RTL9: variants seen among roughly 807,000 people sequenced by gnomAD.
The protein encoded by RTL9 is retrotransposon Gag like 9, also known as retrotransposon Gag-like protein 9.
A neutral mutation model predicts 44.7 loss-of-function variants in RTL9; 19 were observed. The observed-to-expected ratio is 0.42, with a 90% CI of 0.30 to 0.62. The LOEUF (loss-of-function observed/expected upper bound fraction) is 0.62, where lower values mean the gene tolerates loss of function less well. Ranked by LOEUF, RTL9 falls within the 20% of genes least tolerant of loss-of-function variation. RTL9 has a pLI of 0.16. For missense variants in RTL9, 1,105 were observed against 1,080.6 expected (o/e 1.02, Z -0.32); for synonymous variants, 407 against 398.9 (o/e 1.02, Z -0.24).
At chrX:110,446,606 C>G (rs183537284), upstream of RTL9, among the ~76,000 whole-genome samples, 290 of 111,373 alleles carry the variant, frequency 2.6e-3, 1 homozygote, top group Non-Finnish European at 2.0e-3. Context: ...AATTAAAAAT[C>G]CCCTCTAATC....
intron 1 of RTL9, among the ~76,000 whole-genome samples, chrX:110,407,021 T>G: frequency 8.9e-6 from 1 of 111,839 alleles, no homozygotes; most frequent in Non-Finnish European, 1.9e-5. Context: ...TGATTGATTG[T>G]GTTTTCTCCT....
At chrX:110,454,726 A>G (rs1482059119) in intron 1 of RTL9, 62 bp downstream of exon 3, 2 of 967,896 alleles carry the variant, frequency 2.1e-6, no homozygotes, top group East Asian at 6.6e-5. Context: ...CACGACAGGG[A>G]ATACATCCTG....
At chrX:110,375,006 G>A (rs1336961428) in intron 1 of RTL9, among the ~76,000 whole-genome samples, 2 of 111,625 alleles carry the variant, frequency 1.8e-5, no homozygotes, top group Non-Finnish European at 3.8e-5. Flanking sequence ...GAAAGAGCAA[G>A]AAGGCTGGGT....
chrX:110,396,624 T>C (rs1437575057), intron 1 of RTL9, among the ~76,000 whole-genome samples: 2 of 111,992 alleles, frequency 1.8e-5, no homozygotes, highest in African/African-American at 6.5e-5. Flanking sequence ...TGTGCCCTTT[T>C]AGGTAAGCAG....
chrX:110,380,353 CA>C (rs59978261), intron 1 of RTL9, among the ~76,000 whole-genome samples: 18,209 of 109,873 alleles, frequency 0.17, 2,824 homozygotes, highest in African/African-American at 0.49. Flanking sequence ...AATAGCCATA[CA>C]AAAAAAATTA....
At chrX:110,428,736 G>A (rs1307282030) in intron 1 of RTL9, among the ~76,000 whole-genome samples, 1 of 111,357 alleles carries the variant, frequency 9.0e-6, no homozygotes, top group Non-Finnish European at 1.9e-5. Context: ...TCCCAAGAGT[G>A]GTCTGCCTTC....
intron 1 of RTL9, among the ~76,000 whole-genome samples, chrX:110,360,733 T>C (rs181868066): frequency 6.4e-4 from 71 of 111,334 alleles, no homozygotes; most frequent in African/African-American, 2.3e-3. Context: ...AGTTGACATT[T>C]GGAGGCAAGG....
At chrX:110,453,844 C>T (rs2068963177) in exon 1 of RTL9, 1 of 1,211,657 alleles carries the variant, frequency 8.3e-7, no homozygotes, top group African/African-American at 1.7e-5. Context: ...CTAATGAGGG[C>T]CTCAGGCCCT....
intron 1 of RTL9, among the ~76,000 whole-genome samples, chrX:110,428,101 C>T (rs1054006925): frequency 1.1e-4 from 12 of 112,244 alleles, no homozygotes; most frequent in African/African-American, 3.6e-4. Flanking sequence ...GAGCTAGGAT[C>T]CCCACCTGGC....
At chrX:110,451,554 T>C in exon 1 of RTL9, 1 of 1,211,574 alleles carries the variant, frequency 8.3e-7, no homozygotes, top group Non-Finnish European at 1.1e-6. Context: ...GCTTTTAATG[T>C]CATCTCCAGG....
chrX:110,443,837 G>A (rs1265458866), intron 1 of RTL9, among the ~76,000 whole-genome samples: 1 of 112,389 alleles, frequency 8.9e-6, no homozygotes, highest in Non-Finnish European at 1.9e-5. Flanking sequence ...ATTGTAAACC[G>A]TGGAGCTTAA....
intron 1 of RTL9, among the ~76,000 whole-genome samples, chrX:110,385,101 A>G (rs915910175): frequency 1.8e-5 from 2 of 111,326 alleles, no homozygotes; most frequent in Non-Finnish European, 3.8e-5. Context: ...CTAGATCCAG[A>G]TGGCCTGAAT....
chrX:110,393,984 A>G (rs12387996), intron 1 of RTL9, among the ~76,000 whole-genome samples: 1,361 of 112,581 alleles, frequency 0.012, 10 homozygotes, highest in African/African-American at 0.024. Context: ...AAAGCGCTCA[A>G]TGAGCGCTTT....
At chrX:110,370,815 C>T (rs1243998594) in intron 1 of RTL9, among the ~76,000 whole-genome samples, 2 of 111,968 alleles carry the variant, frequency 1.8e-5, no homozygotes, top group Non-Finnish European at 3.8e-5. Flanking sequence ...CATAACCAAA[C>T]AAAAAATATT....
At chrX:110,439,158 A>T (rs894013578) in intron 1 of RTL9, among the ~76,000 whole-genome samples, 4 of 111,931 alleles carry the variant, frequency 3.6e-5, no homozygotes, top group African/African-American at 1.3e-4. Context: ...AGAGGGGCTG[A>T]TTCTCCCTTT....
chrX:110,432,384 G>T (rs1297988626), intron 1 of RTL9, among the ~76,000 whole-genome samples: 3 of 112,262 alleles, frequency 2.7e-5, no homozygotes, highest in African/African-American at 9.7e-5. Flanking sequence ...CCCCTTCTGA[G>T]AGATCAGGCA....
chrX:110,418,991 G>C (rs1349845995), upstream of RTL9: 1 of 109,895 alleles, frequency 9.1e-6, no homozygotes, highest in African/African-American at 3.3e-5. Context: ...AAAAACGACT[G>C]TATGTTTCAG....
intron 1 of RTL9, among the ~76,000 whole-genome samples, chrX:110,428,645 A>G (rs1377392168): frequency 9.1e-6 from 1 of 110,153 alleles, no homozygotes; most frequent in African/African-American, 3.3e-5. Flanking sequence ...CAGTCACCCT[A>G]TCCCTCCCCT....
At chrX:110,360,784 G>C (rs2148249164) in intron 1 of RTL9, among the ~76,000 whole-genome samples, 1 of 110,979 alleles carries the variant, frequency 9.0e-6, no homozygotes, top group East Asian at 2.8e-4. Flanking sequence ...AGTAAGACAA[G>C]GTGAGATCCT....
Sources: gnomAD v4.1 joint callset for allele counts (sites outside exome capture counted in the v4.1 genomes callset) on GRCh38, gnomAD v4.1.1 for gene constraint, MANE v1.5 for transcripts, NCBI Gene and HGNC (gene_info 2026-07-23, HGNC 2026-07-21) for gene names.